MTUS2: variants seen among roughly 807,000 people sequenced by gnomAD.
The protein encoded by MTUS2 is microtubule-associated tumor suppressor candidate 2.
In MTUS2, 40 loss-of-function variants were observed where a neutral mutation model predicts 114.1. The observed-to-expected ratio is 0.35, with a 90% confidence interval of 0.27 to 0.46. The LOEUF is 0.46. Among genes scored for constraint, MTUS2 ranks in the 20% least tolerant of loss-of-function variants. The pLI, the probability that MTUS2 is intolerant of heterozygous loss-of-function variation, is 1.00. For missense variants in MTUS2, 1,679 were observed against 1,705.4 expected, an observed-to-expected ratio of 0.98 and a Z score of 0.27; for synonymous variants, 688 against 672.0, an observed-to-expected ratio of 1.02 and a Z score of -0.37.
At position 29,139,413 on chromosome 13, in the gene MTUS2, G is replaced by A. The variant is rs574163473; in HGVS notation, c.2644+38443G>A. Among the ~76,000 whole-genome samples the A allele has an allele frequency of 8.8e-4, 134 of 152,264 alleles. 2 individuals carry two copies. The Middle Eastern group carries it at 0.024, about 27-fold the overall frequency. On this transcript the variant is annotated intron_variant, in intron 5 of 15. Transcript: ENST00000612955. ...TTAACTTAGGGCCACAGTTAGGCAA[G>A]ACTTTCATTTTAACTTATAATAAAT...
intron 5 of MTUS2, among the ~76,000 whole-genome samples, chr13:29,210,747 G>C (rs544235152): frequency 6.6e-6 from 1 of 152,280 alleles, no homozygotes; most frequent in African/African-American, 2.4e-5. Context: ...TGGTACTAGG[G>C]AGTTTCTGCA....
chr13:29,051,336 G>A (rs966892775), intron 4 of MTUS2, among the ~76,000 whole-genome samples: 1 of 152,198 alleles, frequency 6.6e-6, no homozygotes, highest in African/African-American at 2.4e-5. Flanking sequence ...ATTTATTCAT[G>A]TAGGTTGACT....
intron 9 of MTUS2, among the ~76,000 whole-genome samples, chr13:29,461,320 A>G (rs558539637): frequency 6.6e-6 from 1 of 152,332 alleles, no homozygotes; most frequent in Admixed American, 6.5e-5. Context: ...ATAGCCCCTT[A>G]AAGGTCCCAC....
At chr13:29,235,955 CTCAAGTTTTCTAA>C (rs1175545445) in intron 5 of MTUS2, among the ~76,000 whole-genome samples, 1 of 152,132 alleles carries the variant, frequency 6.6e-6, no homozygotes, top group Admixed American at 6.5e-5. Flanking sequence ...ACGCATTTCA[CTCAAGTTTTCTAA>C]TCTACTAACA....
Position 29,024,773 on chromosome 13 carries a change from T to C in MTUS2, c.75T>C (p.Asn25=), listed in dbSNP as rs1886434740. Residue 25 remains asparagine, a synonymous_variant, in exon 3 of 16, where the codon AAT becomes AAC. Transcript: ENST00000612955. Reference sequence around the variant, plus strand: ...ACAACAGAAATGCAGCAAGAAATAATAATGAAAGCATCTTAAGTCTGGGAG... The same window carrying C: ...ACAACAGAAATGCAGCAAGAAATAACAATGAAAGCATCTTAAGTCTGGGAG... The part of the protein sequence containing the change: ...LRDNRNAARN[N]NESILSLGDT... The C allele has an allele frequency of 1.2e-6, 2 of 1,613,804 alleles. No homozygotes were observed. The highest frequency in any genetic ancestry group is 1.3e-5 in the African/African-American group (1 of 74,886).
chr13:29,255,889 A>G lies in MTUS2; in HGVS notation c.2645-25815A>G, dbSNP rs144997898. On this transcript the variant is annotated intron_variant, in intron 5 of 15. Coordinates refer to ENST00000612955, the MANE Select transcript of MTUS2 (RefSeq NM_001033602.4). ...AAAGCACTCCAGCTTTGGAGCAGAC[A>G]GACCTGAATTTGAAGTCTGACCCTG... Among the ~76,000 whole-genome samples the G allele has an allele frequency of 2.4e-3, 362 of 152,356 alleles. 1 individual carries two copies. The highest frequency in any genetic ancestry group is 8.4e-3 in the African/African-American group (348 of 41,584).
chr13:29,306,365 A>C (rs537198893), intron 6 of MTUS2, among the ~76,000 whole-genome samples: 31 of 152,316 alleles, frequency 2.0e-4, no homozygotes, highest in Admixed American at 1.8e-3. Context: ...TTTGTAGGTG[A>C]CATGATCCTA....
intron 5 of MTUS2, among the ~76,000 whole-genome samples, chr13:29,174,080 C>T (rs1893670574): frequency 6.6e-6 from 1 of 152,120 alleles, no homozygotes; most frequent in Non-Finnish European, 1.5e-5. Context: ...TATTAAAAAA[C>T]ACACCTATAA....
intron 1 of MTUS2, among the ~76,000 whole-genome samples, chr13:28,831,927 T>A (rs1874711961): frequency 1.3e-5 from 2 of 149,226 alleles, no homozygotes; most frequent in African/African-American, 4.9e-5. Context: ...TGGCTATTTT[T>A]TTGTATTTTT....
intron 1 of MTUS2, among the ~76,000 whole-genome samples, chr13:28,832,662 TGTA>T (rs1405548158): frequency 6.8e-6 from 1 of 147,870 alleles, no homozygotes; most frequent in Non-Finnish European, 1.5e-5. Context: ...ATATTAAAAT[TGTA>T]TATATTTAAA....
intron 8 of MTUS2, among the ~76,000 whole-genome samples, chr13:29,375,748 C>T (rs894729002): frequency 1.3e-5 from 2 of 149,802 alleles, no homozygotes; most frequent in Non-Finnish European, 3.0e-5. Flanking sequence ...GTAATGGAAA[C>T]CAAATACCGT....
At chr13:28,999,068 G>A (rs574341210) in intron 2 of MTUS2, among the ~76,000 whole-genome samples, 3 of 152,242 alleles carry the variant, frequency 2.0e-5, no homozygotes, top group East Asian at 1.9e-4. Context: ...ATAGGTTTTT[G>A]GTGTGGATGT....
intron 7 of MTUS2, among the ~76,000 whole-genome samples, chr13:29,334,451 C>T (rs9579334): frequency 0.27 from 40,687 of 151,886 alleles, 6,215 homozygotes; most frequent in African/African-American, 0.43. Flanking sequence ...ATTTTATTTC[C>T]CCTTCACTTT....
chr13:29,380,187 G>A (rs991346815), intron 8 of MTUS2, among the ~76,000 whole-genome samples: 1 of 152,074 alleles, frequency 6.6e-6, no homozygotes, highest in Non-Finnish European at 1.5e-5. Context: ...TAACGAGGGT[G>A]GTCCAGTCAC....
chr13:29,470,315 A>G (rs1251007874), intron 9 of MTUS2, among the ~76,000 whole-genome samples: 2 of 152,214 alleles, frequency 1.3e-5, no homozygotes, highest in Non-Finnish European at 2.9e-5. Flanking sequence ...TATTTTTCAT[A>G]CTAACTGACA....
chr13:29,445,552 C>T (rs1878214886), intron 9 of MTUS2, among the ~76,000 whole-genome samples: 1 of 152,122 alleles, frequency 6.6e-6, no homozygotes, highest in African/African-American at 2.4e-5. Context: ...CTGGGTGCAC[C>T]ATCTTCCCTG....
At chr13:29,307,442 C>G (rs1899526731) in intron 6 of MTUS2, 6 of 1,315,960 alleles carry the variant, frequency 4.6e-6, no homozygotes, top group Admixed American at 1.7e-5. Flanking sequence ...AAGGTCATCC[C>G]TGAGCTGAAT....
At chr13:29,392,250 C>G (rs1026353007) in intron 8 of MTUS2, among the ~76,000 whole-genome samples, 4 of 152,120 alleles carry the variant, frequency 2.6e-5, no homozygotes, top group South Asian at 2.1e-4. Context: ...CCCCTGGCCA[C>G]CACCATTCTA....
chr13:29,222,122 T>G (rs188162720), intron 5 of MTUS2, among the ~76,000 whole-genome samples: 95 of 152,346 alleles, frequency 6.2e-4, no homozygotes, highest in Non-Finnish European at 1.2e-3. Flanking sequence ...TAATTTTATT[T>G]GATTTTTTAC....
Sources: gnomAD v4.1 joint callset for allele counts (sites outside exome capture counted in the v4.1 genomes callset) on GRCh38, gnomAD v4.1.1 for gene constraint, MANE v1.5 for transcripts, NCBI Gene and HGNC (gene_info 2026-07-23, HGNC 2026-07-21) for gene names.